The following NADSYN1 variants were observed in gnomAD, a reference collection of about 807,000 sequenced individuals.
The protein encoded by NADSYN1 is NAD synthetase 1, also known as glutamine-dependent NAD(+) synthetase.
NADSYN1 carries 80 observed loss-of-function variants against 99.3 expected under a neutral mutation model. The observed-to-expected ratio is 0.81, with a 90% CI of 0.67 to 0.97. The LOEUF (loss-of-function observed/expected upper bound fraction) is 0.97. Among genes scored for constraint, NADSYN1 ranks in the 50% least tolerant of loss-of-function variants. NADSYN1 has a pLI of 0.00. For synonymous variants in NADSYN1, 385 were observed against 372.1 expected (o/e 1.03, Z -0.40); for missense variants, 859 against 948.5 (o/e 0.91, Z 1.24).
At chr11:71,488,991 G>A (rs1405314448) in intron 16 of NADSYN1, among the ~76,000 whole-genome samples, 1 of 152,068 alleles carries the variant, frequency 6.6e-6, no homozygotes, top group African/African-American at 2.4e-5. Context: ...CTGGGGGCCT[G>A]GCCAGCGCGC....
At chr11:71,463,566 G>T in intron 4 of NADSYN1, 81 bp downstream of exon 4, 1 of 1,362,080 alleles carries the variant, frequency 7.3e-7, no homozygotes. Context: ...GACCCGTGCT[G>T]GTGCCCTGGG....
chr11:71,470,308 G>A (rs113525506), intron 5 of NADSYN1, among the ~76,000 whole-genome samples: 23 of 152,354 alleles, frequency 1.5e-4, no homozygotes, highest in South Asian at 4.1e-4. Context: ...CCATATCAGC[G>A]CACCTGGGTG....
chr11:71,472,445 C>G lies in NADSYN1; in HGVS notation c.408-4C>G. On this transcript the variant is annotated splice_polypyrimidine_tract_variant and splice_region_variant and intron_variant, in intron 5 of 20. Coordinates refer to ENST00000319023, the MANE Select transcript of NADSYN1 (RefSeq NM_018161.5). ...CCTCAGCTCCTCGGTGTTTTCCTCT[C>G]CAGGCACACAGAGGAGTACTTTCTG... 1.9e-6 allele frequency: 3 copies of G among 1,610,732 alleles called. No individual in the cohort carries two copies. The highest frequency in any genetic ancestry group is 2.5e-6 in the Non-Finnish European group (3 of 1,176,746).
At chr11:71,454,196 G>A (rs1475765805) in intron 1 of NADSYN1, among the ~76,000 whole-genome samples, 1 of 152,168 alleles carries the variant, frequency 6.6e-6, no homozygotes, top group Non-Finnish European at 1.5e-5. Context: ...TAATCAGTAT[G>A]TGCCCTGGAT....
intron 2 of NADSYN1, 62 bp from the exon 3 acceptor site, chr11:71,458,366 G>A (rs1591120773): frequency 3.8e-6 from 5 of 1,300,160 alleles, no homozygotes; most frequent in African/African-American, 1.5e-5. Flanking sequence ...TGGCCCACAG[G>A]CCCTGCCCCT....
intron 20 of NADSYN1, 79 bp downstream of exon 20, chr11:71,498,607 A>G (rs2120529994): frequency 3.3e-6 from 5 of 1,521,740 alleles, no homozygotes; most frequent in Non-Finnish European, 4.5e-6. Context: ...TGAAGGATTG[A>G]AAAACTTTCT....
At chr11:71,495,134 T>C (rs894557999) in intron 18 of NADSYN1, among the ~76,000 whole-genome samples, 2 of 152,194 alleles carry the variant, frequency 1.3e-5, no homozygotes, top group Non-Finnish European at 2.9e-5. Flanking sequence ...ATTTGAGATC[T>C]TTTTTCTTTT....
Position 71,453,268 on chromosome 11 carries a change from G to A in NADSYN1, c.-29G>A. The A allele has an allele frequency of 6.2e-7, 1 of 1,606,054 alleles. No homozygotes were observed. The highest frequency in any genetic ancestry group is 8.5e-7 in the Non-Finnish European group (1 of 1,174,272). On this transcript the variant is annotated 5_prime_UTR_variant, in exon 1 of 21. Transcript: ENST00000319023. ...GACCCTGGTCTTGCTGTCCCCCGCT[G>A]GCCTCCTGCCCAAGCGACTGCGGCC...
chr11:71,490,772 C>T (rs1949773038), intron 16 of NADSYN1, 73 bp from the exon 17 acceptor site: 1 of 1,574,084 alleles, frequency 6.4e-7, no homozygotes, highest in Middle Eastern at 1.7e-4. Context: ...GAAGAAGCGA[C>T]TCCCTGGCTG....
At chr11:71,462,919 C>CT (rs1949559617) in intron 3 of NADSYN1, among the ~76,000 whole-genome samples, 1 of 152,198 alleles carries the variant, frequency 6.6e-6, no homozygotes. Context: ...CTATGGTCCC[C>CT]TTATCTGCAG....
At chr11:71,478,719 G>A in intron 10 of NADSYN1, 1 of 472,376 alleles carries the variant, frequency 2.1e-6, no homozygotes, top group South Asian at 2.3e-5. Context: ...CAGAGAGGCT[G>A]ACGAGACAGT....
At position 71,498,336 on chromosome 11, in the gene NADSYN1, G is replaced by T. The variant is rs776208056; in HGVS notation, c.1894-16G>T. ...AGTTTTGGTAACATGAAGCTCGTGT[G>T]TTGCACGCCCACCAGGTCGCTGACA... On this transcript the variant is annotated splice_polypyrimidine_tract_variant and intron_variant, in intron 19 of 20. Transcript: ENST00000319023. 1.2e-6 allele frequency: 2 copies of T among 1,613,790 alleles called. No individual in the cohort carries two copies. Among genetic ancestry groups the T allele is most frequent in the Non-Finnish European group, 1.7e-6 (2 of 1,179,808 alleles).
chr11:71,481,518 G>A, intron 12 of NADSYN1, 114 bp downstream of exon 12: 1 of 1,061,400 alleles, frequency 9.4e-7, no homozygotes, highest in Non-Finnish European at 1.4e-6. Context: ...ACAACAAAAA[G>A]CATTTCATCA....
intron 17 of NADSYN1, 110 bp from the exon 18 acceptor site, chr11:71,491,724 C>T (rs552417712): frequency 1.3e-5 from 13 of 964,122 alleles, no homozygotes; most frequent in African/African-American, 1.1e-4. Flanking sequence ...CCACGGTGAA[C>T]GGAGTGGCCG....
chr11:71,469,230 GTCAGAAGTTCAGGATTCGAGACCAGC>G (rs1949612051), intron 5 of NADSYN1, among the ~76,000 whole-genome samples: 1 of 152,204 alleles, frequency 6.6e-6, no homozygotes, highest in African/African-American at 2.4e-5. Flanking sequence ...GGCCAAAGTG[GTCAGAAGTTCAGGATTCGAGACCAGC>G]TCAGAAGTTC....
intron 9 of NADSYN1, chr11:71,474,779 C>T (rs1591127953): frequency 1.7e-5 from 8 of 471,812 alleles, no homozygotes; most frequent in Admixed American, 6.7e-5. Context: ...GTGGAGAAGC[C>T]CCCAGGGGTC....
rs1467489787 is a variant in NADSYN1 at position 71,455,076 on chromosome 11, T to C, written c.86-34T>C. On this transcript the variant is annotated intron_variant, in intron 1 of 20. Transcript: ENST00000319023. Reference sequence around the variant, plus strand: ...GTCTTTGAGTGTATAGGTGCTGAAATTGCTCCATTTTCTTTTTCTCTCTGT... The same window carrying C: ...GTCTTTGAGTGTATAGGTGCTGAAACTGCTCCATTTTCTTTTTCTCTCTGT... 2.6e-6 allele frequency: 4 copies of C among 1,545,816 alleles called. No individual in the cohort carries two copies. In the African/African-American group the frequency reaches 5.5e-5, roughly 21 times the overall value.
intron 4 of NADSYN1, 32 bp from the exon 5 acceptor site, chr11:71,464,021 C>T (rs370771912): frequency 3.5e-5 from 55 of 1,557,326 alleles, no homozygotes; most frequent in Non-Finnish European, 4.0e-5. Flanking sequence ...CTCAGGAGCC[C>T]GGTGTGCACA....
rs117776137 is a variant in NADSYN1 at position 71,467,429 on chromosome 11, A to G, written c.407+3287A>G. Among the ~76,000 whole-genome samples, 1,465 of 152,338 alleles carry G rather than the reference A, an allele frequency of 9.6e-3. 11 individuals are homozygous for G. Among genetic ancestry groups the G allele is most frequent in the Non-Finnish European group, 0.016 (1,079 of 68,030 alleles). On this transcript the variant is annotated intron_variant, in intron 5 of 20. Transcript: ENST00000319023. ...AAAACATACAAGGAAATAAGGCACA[A>G]TGAGTCAGAACCAGCAAAAAAAATA...
Sources: allele counts gnomAD v4.1 joint callset (sites outside exome capture counted in the v4.1 genomes callset), GRCh38; gene constraint gnomAD v4.1.1; transcripts MANE v1.5; gene names NCBI Gene and HGNC (gene_info 2026-07-23, HGNC 2026-07-21).